Variants in CSMD2 observed in about 807,000 individuals in gnomAD.
CSMD2 encodes CUB and sushi domain-containing protein 2.
CSMD2 carries 130 observed loss-of-function variants against 398.5 expected under a neutral mutation model. The ratio of observed to expected loss-of-function variants is 0.33; its 90% confidence interval spans 0.28 to 0.38. The LOEUF (loss-of-function observed/expected upper bound fraction) is 0.38. Ranked by LOEUF, CSMD2 falls within the 10% of genes least tolerant of loss-of-function variation. The pLI is 1.00. For synonymous variants in CSMD2, 1,828 were observed against 1,908.5 expected (o/e 0.96, Z 1.10); for missense variants, 3,829 against 4,764.9 (o/e 0.80, Z 5.78).
chr1:33,622,475 T>A (rs1641835143), intron 36 of CSMD2, among the ~76,000 whole-genome samples: 1 of 152,142 alleles, frequency 6.6e-6, no homozygotes, highest in Non-Finnish European at 1.5e-5. Flanking sequence ...GAAACTCCAA[T>A]CTGCTTCCTG....
chr1:33,566,239 T>G (rs1180884039), intron 53 of CSMD2, among the ~76,000 whole-genome samples: 1 of 151,736 alleles, frequency 6.6e-6, no homozygotes, highest in African/African-American at 2.4e-5. Flanking sequence ...TTGGAATAAT[T>G]AACTCTGAAG....
chr1:33,611,412 A>C (rs557069874), intron 40 of CSMD2, among the ~76,000 whole-genome samples, 162 bp from the exon 41 acceptor site: 1 of 152,332 alleles, frequency 6.6e-6, no homozygotes, highest in African/African-American at 2.4e-5. Flanking sequence ...CCGTCCAGCC[A>C]AGTCTCTTGT....
At chr1:33,557,119 T>C (rs79327863) in intron 55 of CSMD2, among the ~76,000 whole-genome samples, 5,681 of 152,302 alleles carry the variant, frequency 0.037, 379 homozygotes, top group African/African-American at 0.13. Context: ...GTAGCTACTA[T>C]GTACCAGATA....
At chr1:34,014,827 G>A (rs980206890) in intron 3 of CSMD2, among the ~76,000 whole-genome samples, 1 of 152,218 alleles carries the variant, frequency 6.6e-6, no homozygotes, top group Non-Finnish European at 1.5e-5. Flanking sequence ...TATAGTGTTT[G>A]AGGACATTTC....
intron 49 of CSMD2, among the ~76,000 whole-genome samples, chr1:33,575,566 T>C (rs1038684659): frequency 1.3e-5 from 2 of 151,872 alleles, no homozygotes; most frequent in Non-Finnish European, 2.9e-5. Context: ...AGGGGTGCAG[T>C]GGGGAGAAGA....
intron 5 of CSMD2, among the ~76,000 whole-genome samples, chr1:33,897,251 A>C (rs1642451994): frequency 6.6e-6 from 1 of 152,104 alleles, no homozygotes; most frequent in African/African-American, 2.4e-5. Context: ...TCTCATGTGA[A>C]GTCTACAAAC....
chr1:33,873,340 G>C (rs1640609307), intron 5 of CSMD2, among the ~76,000 whole-genome samples: 1 of 152,174 alleles, frequency 6.6e-6, no homozygotes, highest in Admixed American at 6.5e-5. Context: ...CTTCAGAAAT[G>C]ACTCTAAATT....
chr1:33,950,957 C>A (rs143267669), intron 3 of CSMD2, among the ~76,000 whole-genome samples: 164 of 152,306 alleles, frequency 1.1e-3, no homozygotes, highest in African/African-American at 3.8e-3. Context: ...GCTGTTAATT[C>A]CAGCTCCTAA....
chr1:33,613,513 C>T (rs1302186187), intron 40 of CSMD2, among the ~76,000 whole-genome samples: 1 of 152,208 alleles, frequency 6.6e-6, no homozygotes, highest in East Asian at 1.9e-4. Context: ...CAGAAAATAA[C>T]ATCTTTCAGA....
At chr1:33,731,031 T>C (rs1323015591) in intron 15 of CSMD2, among the ~76,000 whole-genome samples, 1 of 152,188 alleles carries the variant, frequency 6.6e-6, no homozygotes, top group Non-Finnish European at 1.5e-5. Flanking sequence ...TACAAGATGA[T>C]GTTAGGCCAA....
chr1:34,135,616 C>CAAAAAA (rs55936483), intron 1 of CSMD2, among the ~76,000 whole-genome samples: 1 of 82,624 alleles, frequency 1.2e-5, no homozygotes, highest in Non-Finnish European at 2.3e-5. Context: ...GACTCCATCT[C>CAAAAAA]AAAAAAAAAA....
intron 5 of CSMD2, among the ~76,000 whole-genome samples, chr1:33,866,947 A>G (rs1640083026): frequency 6.6e-6 from 1 of 152,222 alleles, no homozygotes; most frequent in South Asian, 2.1e-4. Flanking sequence ...ACAGTCCTAA[A>G]TCTAATAGGT....
At chr1:34,005,840 A>T (rs1278621200) in intron 3 of CSMD2, among the ~76,000 whole-genome samples, 2 of 152,218 alleles carry the variant, frequency 1.3e-5, no homozygotes, top group African/African-American at 4.8e-5. Flanking sequence ...AGGTATAAGC[A>T]TCAATCATGC....
intron 3 of CSMD2, among the ~76,000 whole-genome samples, chr1:33,999,534 C>G (rs548648076): frequency 6.6e-6 from 1 of 151,854 alleles, no homozygotes; most frequent in Non-Finnish European, 1.5e-5. Context: ...TAGTTGGGAC[C>G]GCATGCATGC....
chr1:34,051,001 G>A (rs1474656004), intron 2 of CSMD2, among the ~76,000 whole-genome samples: 1 of 152,164 alleles, frequency 6.6e-6, no homozygotes, highest in Non-Finnish European at 1.5e-5. Context: ...CGGGCACTTT[G>A]CACTCCTCAT....
chr1:33,829,320 C>T (rs572499487), intron 6 of CSMD2, among the ~76,000 whole-genome samples: 2 of 152,298 alleles, frequency 1.3e-5, no homozygotes, highest in South Asian at 2.1e-4. Flanking sequence ...AGGCAAGATC[C>T]ACATCACCAG....
chr1:33,700,906 G>C (rs569519048), intron 22 of CSMD2, among the ~76,000 whole-genome samples: 1 of 152,308 alleles, frequency 6.6e-6, no homozygotes, highest in African/African-American at 2.4e-5. Context: ...TGTGAATCTA[G>C]TCTTTGGGAA....
chr1:33,542,597 C>T (rs1010694797), intron 58 of CSMD2, 123 bp downstream of exon 58: 1 of 793,644 alleles, frequency 1.3e-6, no homozygotes, highest in Non-Finnish European at 1.9e-6. Flanking sequence ...ATATGATTAT[C>T]GTTCAGGTTC....
intron 2 of CSMD2, among the ~76,000 whole-genome samples, chr1:34,045,853 C>T (rs971019398): frequency 6.6e-6 from 1 of 152,210 alleles, no homozygotes; most frequent in African/African-American, 2.4e-5. Context: ...TCTACCCCAA[C>T]GGTTCCCAAA....
Sources: allele counts gnomAD v4.1 joint callset (sites outside exome capture counted in the v4.1 genomes callset), GRCh38; gene constraint gnomAD v4.1.1; transcripts MANE v1.5; gene names NCBI Gene and HGNC (gene_info 2026-07-23, HGNC 2026-07-21).